DGKI: variants seen among roughly 807,000 people sequenced by gnomAD.
DGKI encodes DAG kinase iota.
DGKI carries 55 observed loss-of-function variants against 147.5 expected under a neutral mutation model. The observed-to-expected ratio is 0.37, with a 90% CI of 0.30 to 0.47. DGKI has a LOEUF of 0.47. DGKI is among the 20% of genes least tolerant of loss of function. DGKI has a pLI of 1.00. For synonymous variants in DGKI, 469 were observed against 477.1 expected (o/e 0.98, Z 0.22); for missense variants, 1,007 against 1,323.8 (o/e 0.76, Z 3.71).
At chr7:137,577,550 GGTTT>G (rs1042646434) in intron 16 of DGKI, among the ~76,000 whole-genome samples, 12 of 152,180 alleles carry the variant, frequency 7.9e-5, no homozygotes, top group Admixed American at 6.5e-4. Flanking sequence ...GTCATTGGAA[GGTTT>G]ATTTTGACAA....
intron 1 of DGKI, among the ~76,000 whole-genome samples, chr7:137,709,768 A>C (rs1239728713): frequency 6.6e-6 from 1 of 152,172 alleles, no homozygotes; most frequent in Non-Finnish European, 1.5e-5. Context: ...CAAAAACTCC[A>C]GAAAACTGAA....
chr7:137,531,545 A>G (rs1817339105), intron 20 of DGKI, among the ~76,000 whole-genome samples: 1 of 152,170 alleles, frequency 6.6e-6, no homozygotes, highest in African/African-American at 2.4e-5. Context: ...ACATAAGAGG[A>G]CAATGATACT....
intron 19 of DGKI, among the ~76,000 whole-genome samples, chr7:137,555,801 T>G (rs1303852034): frequency 6.6e-6 from 1 of 152,128 alleles, no homozygotes; most frequent in Non-Finnish European, 1.5e-5. Flanking sequence ...GCTAGATGTT[T>G]TATAAGTCCG....
intron 21 of DGKI, among the ~76,000 whole-genome samples, chr7:137,517,995 G>A (rs1816838495): frequency 6.6e-6 from 1 of 152,080 alleles, no homozygotes; most frequent in Non-Finnish European, 1.5e-5. Context: ...GGAGGGTGGT[G>A]GTGTGTGCAG....
chr7:137,410,535 T>C (rs1346588550), intron 29 of DGKI, among the ~76,000 whole-genome samples: 1 of 152,222 alleles, frequency 6.6e-6, no homozygotes, highest in Non-Finnish European at 1.5e-5. Context: ...AAAAACCAAA[T>C]TACTTTTGCA....
At position 137,543,233 on chromosome 7, in the gene DGKI, T is replaced by A. The variant is rs1394530349; in HGVS notation, c.2147+9136A>T. On this transcript the variant is annotated intron_variant, in intron 20 of 32. Coordinates refer to ENST00000614521, the MANE Select transcript of DGKI (RefSeq NM_001321708.2). Reference sequence around the variant, plus strand: ...TTCCAATGAGGACTTTACTTCATTATGAAGCCAATCAATTATAAAGAATTT... The same window carrying A: ...TTCCAATGAGGACTTTACTTCATTAAGAAGCCAATCAATTATAAAGAATTT... 2.0e-5 allele frequency among the ~76,000 whole-genome samples: 3 copies of A among 152,254 alleles called. No individual in the cohort carries two copies. The East Asian group carries it at 5.8e-4, about 29-fold the overall frequency.
At chr7:137,843,439 C>T (rs1798605825) in intron 1 of DGKI, 1 of 985,072 alleles carries the variant, frequency 1.0e-6, no homozygotes. Context: ...TCGACAGAGA[C>T]TATTTGCTCT....
intron 1 of DGKI, among the ~76,000 whole-genome samples, chr7:137,743,004 T>C (rs991056347): frequency 2.6e-5 from 4 of 152,122 alleles, no homozygotes; most frequent in Admixed American, 1.3e-4. Context: ...AAAATAGACT[T>C]TAAACCAACA....
chr7:137,677,355 G>A (rs914756002), intron 3 of DGKI, among the ~76,000 whole-genome samples: 1 of 152,198 alleles, frequency 6.6e-6, no homozygotes, highest in African/African-American at 2.4e-5. Context: ...ACACTGAGCA[G>A]TAACACTGAG....
At chr7:137,391,431 A>C in intron 32 of DGKI, 95 bp from the exon 33 acceptor site, 1 of 868,218 alleles carries the variant, frequency 1.2e-6, no homozygotes. Flanking sequence ...ACAAAACAAA[A>C]ATCACAGAAA....
At chr7:137,524,068 G>T (rs1212542329) in intron 20 of DGKI, among the ~76,000 whole-genome samples, 1 of 147,532 alleles carries the variant, frequency 6.8e-6, no homozygotes, top group Non-Finnish European at 1.5e-5. Flanking sequence ...GATGATCTCT[G>T]TGTGCTGCTC....
Position 137,707,234 on chromosome 7 carries a change from TG to T in DGKI, c.402-17233del, listed in dbSNP as rs1159315027. On this transcript the variant is annotated intron_variant, in intron 1 of 32. Transcript: ENST00000614521. ...TATCGTAAGTACCTCTATTCACCTA[TG>T]CGGATTCCTCTAGCATTTTGGAAGA... 5.9e-5 allele frequency among the ~76,000 whole-genome samples: 9 copies of T among 152,298 alleles called. No individual in the cohort carries two copies. The East Asian group carries it at 1.7e-3, about 29-fold the overall frequency.
At chr7:137,845,238 C>T (rs528614886) in intron 1 of DGKI, among the ~76,000 whole-genome samples, 1 of 152,292 alleles carries the variant, frequency 6.6e-6, no homozygotes, top group East Asian at 1.9e-4. Flanking sequence ...AGCACATGCC[C>T]TAGTGACTGT....
intron 20 of DGKI, among the ~76,000 whole-genome samples, chr7:137,545,668 C>T (rs1446394544): frequency 6.6e-6 from 1 of 152,064 alleles, no homozygotes; most frequent in Admixed American, 6.6e-5. Context: ...AACCATGGAC[C>T]CTAAAGTATC....
rs1798752840 is a variant in DGKI, at chr7:137,846,767, G to A, written c.96C>T (p.Ser32=). ...APAAAAAAAA[S]PPGPCSGAAC... ...CGGCGCCGCTGCAGGGGCCGGGCGG[G>A]CTGGCGGCGGCGGCGGCGGCGGCTG... The change falls in exon 1 of 33, where the codon AGC becomes AGT. Residue 32 remains serine, a synonymous_variant. Transcript: ENST00000614521. This position sits in a 1 kb window ranked among gnomAD's most constrained non-coding sequence, Gnocchi z 4.0. 10 of 1,046,290 alleles carry A rather than the reference G, an allele frequency of 9.6e-6. No homozygotes were observed. Among genetic ancestry groups the A allele is most frequent in the Non-Finnish European group, 1.1e-5 (10 of 871,378 alleles). 64.8% of individuals were successfully genotyped at this position (1,046,290 alleles called of 1,614,324 possible).
intron 21 of DGKI, among the ~76,000 whole-genome samples, chr7:137,518,850 A>G (rs997288140): frequency 6.6e-6 from 1 of 152,118 alleles, no homozygotes; most frequent in African/African-American, 2.4e-5. Context: ...CCTAGATTAT[A>G]TGATTATAAG....
At chr7:137,446,478 G>C (rs1224624950) in intron 27 of DGKI, among the ~76,000 whole-genome samples, 1 of 152,098 alleles carries the variant, frequency 6.6e-6, no homozygotes, top group Admixed American at 6.6e-5. Flanking sequence ...CTGGAAATCG[G>C]CATAAAAAGT....
intron 1 of DGKI, among the ~76,000 whole-genome samples, chr7:137,734,931 C>T (rs1020827150): frequency 3.9e-5 from 6 of 152,054 alleles, no homozygotes; most frequent in East Asian, 1.9e-4. Flanking sequence ...TACACATCAC[C>T]GCTGATCATG....
Position 137,390,362 on chromosome 7 carries a change from A to G in DGKI, c.*858T>C, listed in dbSNP as rs1477280269. On this transcript the variant is annotated 3_prime_UTR_variant, in exon 33 of 33. Coordinates refer to ENST00000614521, the MANE Select transcript of DGKI (RefSeq NM_001321708.2). ...GCAAACTAGCTGTGGGCCTCTGTTTAATCCTTTGCTCATCTTCTATTGCAG... is the reference window on the plus strand; with the variant it reads ...GCAAACTAGCTGTGGGCCTCTGTTTGATCCTTTGCTCATCTTCTATTGCAG... The G allele has an allele frequency of 2.6e-5, 4 of 152,668 alleles. No homozygotes were observed. Among genetic ancestry groups the G allele is most frequent in the Non-Finnish European group, 5.9e-5 (4 of 68,048 alleles). The allele number at this position is 152,668 out of a possible 1,614,324, so 9.5% of individuals were successfully genotyped here. A position where few individuals can be genotyped will look rare whatever the true frequency, so the allele number is the denominator to read the frequency against.
Sources: allele counts gnomAD v4.1 joint callset (sites outside exome capture counted in the v4.1 genomes callset), GRCh38; gene constraint gnomAD v4.1.1; non-coding constraint Gnocchi (gnomAD v3.1); transcripts MANE v1.5; gene names NCBI Gene and HGNC (gene_info 2026-07-23, HGNC 2026-07-21).